The following SLC43A2 variants were observed in gnomAD, a reference collection of about 807,000 sequenced individuals.
SLC43A2 encodes large neutral amino acids transporter small subunit 4.
Under a neutral mutation model 63.2 loss-of-function variants are expected in SLC43A2, and 38 were observed. That is an observed-to-expected ratio of 0.60 (90% CI 0.46 to 0.79). The LOEUF is 0.79. Ranked by LOEUF, SLC43A2 falls within the 30% of genes least tolerant of loss-of-function variation. The probability of loss-of-function intolerance (pLI) is 0.00; values close to 1 mark genes in which losing one functional copy is unlikely to be tolerated. For missense variants in SLC43A2, 644 were observed against 756.2 expected (o/e 0.85, Z 1.74); for synonymous variants, 322 against 331.0 (o/e 0.97, Z 0.30).
chr17:1,596,511 C>A (rs1205008960), intron 5 of SLC43A2, among the ~76,000 whole-genome samples: 1 of 152,024 alleles, frequency 6.6e-6, no homozygotes, highest in Non-Finnish European at 1.5e-5. Flanking sequence ...ACATAGTGCC[C>A]AACAGTTATT....
intron 5 of SLC43A2, among the ~76,000 whole-genome samples, chr17:1,609,494 G>A (rs1377350022): frequency 2.6e-5 from 4 of 152,180 alleles, no homozygotes; most frequent in Non-Finnish European, 5.9e-5. Flanking sequence ...GAGCCACTGC[G>A]CCCGGCCAGA....
Position 1,606,314 on chromosome 17 carries a change from G to T in SLC43A2, c.501+6881C>A, listed in dbSNP as rs1163489861. On this transcript the variant is annotated intron_variant, in intron 5 of 13. Coordinates refer to ENST00000301335, the MANE Select transcript of SLC43A2 (RefSeq NM_152346.3). The surrounding 1 kb of genome is among the most constrained non-coding windows in gnomAD (Gnocchi z 4.7). ...GCCCTCCTCTCCAGGATCTGAAGAG[G>T]GATGTTTATCCTCTTCACTTCCCTC... is the stretch of plus-strand genomic sequence containing the variant. Among the ~76,000 whole-genome samples, 5 of 152,094 alleles carry T rather than the reference G, an allele frequency of 3.3e-5. No homozygotes were observed. Among genetic ancestry groups the T allele is most frequent in the African/African-American group, 1.2e-4 (5 of 41,412 alleles).
At chr17:1,581,694 C>T (rs1303540396) in intron 11 of SLC43A2, among the ~76,000 whole-genome samples, 2 of 152,190 alleles carry the variant, frequency 1.3e-5, no homozygotes, top group Admixed American at 6.6e-5. Context: ...TACTGCTAGA[C>T]CACTTTCACA....
rs1904776157 is a variant in SLC43A2 at position 1,591,465 on chromosome 17, C to G, written c.735G>C (p.Lys245Asn). Residue 245 changes from lysine (K) to asparagine (N), a missense_variant, in exon 8 of 14, where the codon AAG (lysine) becomes AAC (asparagine). By Grantham distance (94) the Lys-to-Asn change is moderately conservative (BLOSUM62 0). Coordinates refer to ENST00000301335, the MANE Select transcript of SLC43A2 (RefSeq NM_152346.3). ...PGPEDMDYSV[K>N]IKFSWLGFDH... ...CAAAGCCCAGCCAGCTGAACTTGAT[C>G]TTCACCCTGGGGCCCCGGGAGAGTG... 1.2e-6 allele frequency: 2 copies of G among 1,612,922 alleles called. No individual in the cohort carries two copies. Among genetic ancestry groups the G allele is most frequent in the Non-Finnish European group, 1.7e-6 (2 of 1,179,898 alleles).
In SLC43A2 at chr17:1,576,872, T is replaced by G. The variant is rs532784361; in HGVS notation, c.1425-152A>C. The G allele has an allele frequency of 1.8e-3, 1,809 of 991,664 alleles. 35 individuals are homozygous for G. The African/African-American group carries it at 0.027, about 15-fold the overall frequency. The allele number at this position is 991,664 out of a possible 1,614,324, so 61.4% of individuals were successfully genotyped here. On this transcript the variant is annotated intron_variant, in intron 12 of 13. Transcript: ENST00000301335. The stretch of plus-strand genomic sequence containing the variant: ...CCTGCTGGGCAGTTCTGTTTTTTTT[T>G]TTTTTTTTTTAAGATGGAGTCTTGC...
At chr17:1,612,253 C>T (rs1436567138) in intron 5 of SLC43A2, among the ~76,000 whole-genome samples, 1 of 152,086 alleles carries the variant, frequency 6.6e-6, no homozygotes, top group Non-Finnish European at 1.5e-5. Flanking sequence ...TGTGAGCCAC[C>T]ATGCCCAGCC....
intron 11 of SLC43A2, among the ~76,000 whole-genome samples, chr17:1,582,029 A>C (rs961795474): frequency 3.1e-4 from 45 of 146,940 alleles, no homozygotes; most frequent in African/African-American, 1.0e-3. Context: ...CTAGTCTCAA[A>C]CTCCTGACCT....
At chr17:1,595,038 G>A (rs1360100207) in intron 5 of SLC43A2, among the ~76,000 whole-genome samples, 3 of 151,936 alleles carry the variant, frequency 2.0e-5, no homozygotes, top group African/African-American at 2.4e-5. Context: ...AAAAAAAAGA[G>A]AGAGAGACAA....
In SLC43A2 at chr17:1,585,928, T is replaced by C; in HGVS notation, c.1202A>G (p.Glu401Gly). Reference protein sequence around the residue: ...ECEDASEEPEEKDANQGEKKK... With the variant: ...ECEDASEEPEGKDANQGEKKK... ...GCCTACGCACTGGTTGGCGTCTTTCTCCTCGGGCTCCTCGGAGGCGTCTTC... is the reference window on the plus strand; with the variant it reads ...GCCTACGCACTGGTTGGCGTCTTTCCCCTCGGGCTCCTCGGAGGCGTCTTC... Residue 401 changes from glutamate (E) to glycine (G), a missense_variant, in exon 10 of 14, where the codon GAG becomes GGG. Glu to Gly is a moderately conservative substitution (Grantham distance 98). Transcript: ENST00000301335. The C allele has an allele frequency of 1.2e-6, 2 of 1,613,702 alleles. No individual in the cohort carries two copies. The highest frequency in any genetic ancestry group is 1.7e-6 in the Non-Finnish European group (2 of 1,180,006).
At position 1,573,628 on chromosome 17, in the gene SLC43A2, TTTTC is replaced by T. The variant is rs2075879071; in HGVS notation, c.*1972_*1975del. On this transcript the variant is annotated 3_prime_UTR_variant, in exon 14 of 14. Transcript: ENST00000301335. ...CATGTTTATCTCGTTCTCTTTTTTT[TTTTC>T]TTTTTGAGACGGAGCCTCGCTCTGT... The T allele has an allele frequency of 1.3e-5, 2 of 152,380 alleles. No individual in the cohort carries two copies. The highest frequency in any genetic ancestry group is 4.1e-4 in the South Asian group (2 of 4,842). 9.4% of individuals were successfully genotyped at this position (152,380 alleles called of 1,614,324 possible). A position where few individuals can be genotyped will look rare whatever the true frequency, so the allele number is the denominator to read the frequency against.
intron 11 of SLC43A2, among the ~76,000 whole-genome samples, chr17:1,579,706 A>T: frequency 6.6e-6 from 1 of 151,072 alleles, no homozygotes; most frequent in Admixed American, 6.6e-5. Flanking sequence ...GCTTGGTGGT[A>T]CGTGCCCGTA....
At chr17:1,575,892 C>T in intron 13 of SLC43A2, 127 bp from the exon 14 acceptor site, 1 of 1,061,728 alleles carries the variant, frequency 9.4e-7, no homozygotes, top group Non-Finnish European at 1.3e-6. Flanking sequence ...AACAGGAAGG[C>T]CCACGAGGTC....
At chr17:1,621,874 G>C (rs1427808548) in intron 2 of SLC43A2, among the ~76,000 whole-genome samples, 4 of 152,222 alleles carry the variant, frequency 2.6e-5, no homozygotes, top group Admixed American at 6.5e-5. Flanking sequence ...ATATCCCAGA[G>C]AGAAAATGCT....
chr17:1,620,566 C>T (rs1035958769), intron 2 of SLC43A2, among the ~76,000 whole-genome samples: 8 of 152,180 alleles, frequency 5.3e-5, no homozygotes, highest in Non-Finnish European at 5.9e-5. Flanking sequence ...AAATCCCTGC[C>T]GATGGGGCCA....
rs370064519 is a variant in SLC43A2 at position 1,616,723 on chromosome 17, G to C, written c.207C>G (p.His69Gln). ...GTVGGTAEPG[H>Q]EEVSWMNGWL... The stretch of plus-strand genomic sequence containing the variant: ...AGCCGTTCATCCAGCTCACCTCCTC[G>C]TGCCCCGGCTCTGCTGTGCCGCCCA... Residue 69 changes from histidine (H) to glutamine (Q), a missense_variant, in exon 3 of 14, where the codon CAC (histidine) becomes CAG (glutamine). Coordinates refer to ENST00000301335, the MANE Select transcript of SLC43A2 (RefSeq NM_152346.3). 33 of 1,614,050 alleles carry C rather than the reference G, an allele frequency of 2.0e-5. No homozygotes were observed. In the African/African-American group the frequency reaches 4.4e-4, roughly 22 times the overall value.
In SLC43A2 at chr17:1,605,139, GCCTCTGCCTCCGTGCGGGTCAA is replaced by G. The variant is rs1567635781; in HGVS notation, c.501+8034_501+8055del. 7.8e-7 allele frequency: 1 copy of G among 1,275,976 alleles called. No individual in the cohort carries two copies. The highest frequency in any genetic ancestry group is 1.5e-5 in the African/African-American group (1 of 65,450). The allele number at this position is 1,275,976 out of a possible 1,614,324, so 79.0% of individuals were successfully genotyped here. ...AGGTGCTTCCCACAGCCCCCTCGCC[GCCTCTGCCTCCGTGCGGGTCAA>G]CCTGTCCTGCCAGCCCGGGCTGTTC... On this transcript the variant is annotated intron_variant, in intron 5 of 13. Transcript: ENST00000301335. This position sits in a 1 kb window ranked among gnomAD's most constrained non-coding sequence, Gnocchi z 4.9.
intron 2 of SLC43A2, among the ~76,000 whole-genome samples, chr17:1,626,255 G>T (rs147629205): frequency 5.3e-5 from 8 of 150,982 alleles, no homozygotes; most frequent in South Asian, 2.1e-4. Flanking sequence ...GATCTCTAAG[G>T]GGGGAGAGAG....
At position 1,628,825 on chromosome 17, in the gene SLC43A2, G is replaced by GGC. The variant is rs1368205136; in HGVS notation, c.-80_-79dup. The GGC allele has an allele frequency of 6.6e-6, 1 of 152,510 alleles. No individual in the cohort carries two copies. Among genetic ancestry groups the GGC allele is most frequent in the Non-Finnish European group, 1.5e-5 (1 of 68,276 alleles). 9.4% of individuals were successfully genotyped at this position (152,510 alleles called of 1,614,324 possible). A position where few individuals can be genotyped will look rare whatever the true frequency, so the allele number is the denominator to read the frequency against. The stretch of plus-strand genomic sequence containing the variant: ...CCTCCGGCGTGTGTCGGGCCCGCCC[G>GGC]GCGCCTTTTCTGCCCTCTTTTATTC... On this transcript the variant is annotated 5_prime_UTR_variant, in exon 1 of 14. Coordinates refer to ENST00000301335, the MANE Select transcript of SLC43A2 (RefSeq NM_152346.3).
chr17:1,581,202 C>CCCCACACACACACA (rs1555536161), intron 11 of SLC43A2, among the ~76,000 whole-genome samples: 82 of 148,476 alleles, frequency 5.5e-4, no homozygotes, highest in Non-Finnish European at 1.0e-3. Flanking sequence ...TGCCCAGTGC[C>CCCCACACACACACA]CACACACACA....
Sources: allele counts gnomAD v4.1 joint callset (sites outside exome capture counted in the v4.1 genomes callset), GRCh38; gene constraint gnomAD v4.1.1; non-coding constraint Gnocchi (gnomAD v3.1); transcripts MANE v1.5; gene names NCBI Gene and HGNC (gene_info 2026-07-23, HGNC 2026-07-21).